Variants in KIAA1671 observed in about 807,000 individuals in gnomAD.
KIAA1671 encodes KIAA1671, also known as uncharacterized protein KIAA1671.
A neutral mutation model predicts 131.2 loss-of-function variants in KIAA1671; 52 were observed. The ratio of observed to expected loss-of-function variants is 0.40; its 90% CI spans 0.32 to 0.50. The LOEUF is 0.50. Among genes scored for constraint, KIAA1671 ranks in the 20% least tolerant of loss-of-function variants. The pLI is 0.73. For synonymous variants in KIAA1671, 1,003 were observed against 961.6 expected (o/e 1.04, Z -0.80); for missense variants, 2,360 against 2,364.2 (o/e 1.00, Z 0.04).
intron 1 of KIAA1671, chr22:25,010,888 G>A (rs1231450451): frequency 6.6e-6 from 1 of 152,222 alleles, no homozygotes; most frequent in African/African-American, 2.4e-5. Flanking sequence ...AAATTGGCTT[G>A]TGGTTTCTTG....
chr22:25,003,736 AT>A (rs1924595275), intron 1 of KIAA1671, among the ~76,000 whole-genome samples: 1 of 150,426 alleles, frequency 6.6e-6, no homozygotes, highest in Admixed American at 6.7e-5. Context: ...TTTTGTAAAC[AT>A]TTTCACATGT....
At chr22:25,191,774 C>T (rs187421332) in intron 12 of KIAA1671, among the ~76,000 whole-genome samples, 77 of 152,262 alleles carry the variant, frequency 5.1e-4, no homozygotes, top group African/African-American at 1.9e-3. Flanking sequence ...AGAGACTCAC[C>T]ATCCCTTATC....
At chr22:25,064,534 C>T (rs1168419979) in intron 6 of KIAA1671, 1 of 152,204 alleles carries the variant, frequency 6.6e-6, no homozygotes, top group Non-Finnish European at 1.5e-5. Flanking sequence ...ATGAGGCAAT[C>T]TAACTCCATC....
intron 6 of KIAA1671, among the ~76,000 whole-genome samples, chr22:25,076,072 A>G (rs1251695948): frequency 2.0e-5 from 3 of 152,184 alleles, no homozygotes; most frequent in South Asian, 2.1e-4. Flanking sequence ...CACTGCACCC[A>G]GCCTGTCAGT....
intron 6 of KIAA1671, among the ~76,000 whole-genome samples, chr22:25,163,476 CTG>C (rs1933531153): frequency 8.0e-6 from 1 of 125,654 alleles, no homozygotes; most frequent in Non-Finnish European, 1.6e-5. Flanking sequence ...GAGTCTCACA[CTG>C]TCACCCAGGC....
chr22:25,035,115 G>C (rs9624704), intron 4 of KIAA1671, among the ~76,000 whole-genome samples: 1 of 145,382 alleles, frequency 6.9e-6, no homozygotes, highest in Non-Finnish European at 1.5e-5. Flanking sequence ...CGTGATCTCA[G>C]CCCACTGCAA....
At chr22:25,128,119 A>G (rs1932268665) in intron 6 of KIAA1671, among the ~76,000 whole-genome samples, 1 of 152,188 alleles carries the variant, frequency 6.6e-6, no homozygotes, top group South Asian at 2.1e-4. Flanking sequence ...GGTGGGCATC[A>G]GATATATCTT....
intron 6 of KIAA1671, among the ~76,000 whole-genome samples, chr22:25,108,190 CA>C (rs1392362793): frequency 1.6e-4 from 25 of 152,338 alleles, no homozygotes; most frequent in African/African-American, 6.0e-4. Flanking sequence ...ACAACCTTGA[CA>C]ACACTGGGTA....
intron 6 of KIAA1671, among the ~76,000 whole-genome samples, chr22:25,100,040 C>T (rs1930586374): frequency 6.6e-6 from 1 of 152,202 alleles, no homozygotes; most frequent in Non-Finnish European, 1.5e-5. Flanking sequence ...GTCTGGTGGC[C>T]TTGCAGAGGA....
intron 1 of KIAA1671, among the ~76,000 whole-genome samples, chr22:25,016,897 C>T (rs1016692435): frequency 6.6e-6 from 1 of 152,212 alleles, no homozygotes; most frequent in Admixed American, 6.5e-5. Context: ...CAGCAGCATA[C>T]AGCAGCAGAG....
intron 9 of KIAA1671, among the ~76,000 whole-genome samples, chr22:25,180,695 C>T (rs1934237610): frequency 6.6e-6 from 1 of 152,190 alleles, no homozygotes; most frequent in African/African-American, 2.4e-5. Flanking sequence ...GATGTCAGAC[C>T]AGGCTCTGAG....
At chr22:25,171,719 TA>T (rs199560630) in intron 7 of KIAA1671, among the ~76,000 whole-genome samples, 1 of 147,970 alleles carries the variant, frequency 6.8e-6, no homozygotes, top group Admixed American at 6.7e-5. Flanking sequence ...ACACCTTGTC[TA>T]AAAAAAAATA....
Position 25,050,111 on chromosome 22 carries a change from G to C in KIAA1671, c.4530+747G>C, listed in dbSNP as rs986893445. The C allele has an allele frequency of 3.3e-5, 5 of 152,274 alleles. No individual in the cohort carries two copies. In the East Asian group the frequency reaches 9.6e-4, roughly 29 times the overall value. The allele number at this position is 152,274 out of a possible 1,614,324, so 9.4% of individuals were successfully genotyped here. ...TTATTACTCTTGCTGTTACTGGTAC[G>C]ACTGTCCTTGTTTTCAAGTCTCCCT... is the stretch of plus-strand genomic sequence containing the variant. On this transcript the variant is annotated intron_variant, in intron 6 of 12. Coordinates refer to ENST00000358431, the MANE Select transcript of KIAA1671 (RefSeq NM_001145206.2).
intron 1 of KIAA1671, among the ~76,000 whole-genome samples, chr22:24,985,044 A>C (rs1923447047): frequency 6.6e-6 from 1 of 152,008 alleles, no homozygotes; most frequent in Non-Finnish European, 1.5e-5. Context: ...GGATAATTCC[A>C]ACTGTTCCAG....
At chr22:25,188,723 G>T (rs1246996601) in intron 11 of KIAA1671, among the ~76,000 whole-genome samples, 1 of 152,150 alleles carries the variant, frequency 6.6e-6, no homozygotes, top group African/African-American at 2.4e-5. Flanking sequence ...TCATAAGGAA[G>T]AGAAAATATA....
At chr22:25,177,314 A>G (rs73162216) in intron 8 of KIAA1671, 34 bp from the exon 9 acceptor site, 36,289 of 1,525,198 alleles carry the variant, frequency 0.024, 556 homozygotes, top group Non-Finnish European at 0.029. Flanking sequence ...GGTTCCCTTG[A>G]TTTTTTTCCT....
intron 4 of KIAA1671, among the ~76,000 whole-genome samples, chr22:25,034,884 C>T (rs1018081568): frequency 6.7e-6 from 1 of 148,600 alleles, no homozygotes; most frequent in Admixed American, 6.7e-5. Flanking sequence ...ACTACAGAGG[C>T]CCGCCACCAC....
At chr22:25,045,284 A>G (rs967220555) in intron 5 of KIAA1671, among the ~76,000 whole-genome samples, 1 of 152,236 alleles carries the variant, frequency 6.6e-6, no homozygotes, top group African/African-American at 2.4e-5. Context: ...GTTTTTAACT[A>G]TGGGCAATTT....
chr22:25,007,711 C>A (rs1024999112), intron 1 of KIAA1671, among the ~76,000 whole-genome samples: 1 of 152,100 alleles, frequency 6.6e-6, no homozygotes, highest in East Asian at 1.9e-4. Flanking sequence ...CACCTGATGA[C>A]CTGGAAGTTA....
Sources: allele counts gnomAD v4.1 joint callset (sites outside exome capture counted in the v4.1 genomes callset), GRCh38; gene constraint gnomAD v4.1.1; transcripts MANE v1.5; gene names NCBI Gene and HGNC (gene_info 2026-07-23, HGNC 2026-07-21).